Variants in NUP153 observed in about 807,000 individuals in gnomAD.
NUP153 encodes nuclear pore complex protein Nup153.
Under a neutral mutation model 134.6 loss-of-function variants are expected in NUP153, and 27 were observed. The observed-to-expected ratio is 0.20, with a 90% CI of 0.15 to 0.28. The LOEUF is 0.28. Ranked by LOEUF, NUP153 falls within the 10% of genes least tolerant of loss-of-function variation. NUP153 has a pLI of 1.00. For missense variants in NUP153, 1,821 were observed against 1,731.3 expected, an observed-to-expected ratio of 1.05 and a Z score of -0.92; for synonymous variants, 640 against 623.5, an observed-to-expected ratio of 1.03 and a Z score of -0.40.
rs1221774812 is a variant in NUP153 at position 17,616,564 on chromosome 6, A to G, written c.4306T>C (p.Phe1436Leu). Reference protein sequence around the residue: ...ASAQPSGSGGFPFNQSPAAFT... With the variant: ...ASAQPSGSGGLPFNQSPAAFT... Reference sequence around the variant, plus strand: ...GCTGCTGGAGACTGGTTAAATGGAAAGCCCCCCGAGCCTGAAGGCTGGGCT... The same window carrying G: ...GCTGCTGGAGACTGGTTAAATGGAAGGCCCCCCGAGCCTGAAGGCTGGGCT... Residue 1436 changes from phenylalanine to leucine, a missense_variant, in exon 21 of 22, where the codon TTT (phenylalanine) becomes CTT (leucine). By Grantham distance (22) the Phe-to-Leu change is conservative. Coordinates refer to ENST00000262077, the MANE Select transcript of NUP153 (RefSeq NM_005124.4). 4 of 1,613,900 alleles carry G rather than the reference A, an allele frequency of 2.5e-6. No homozygotes were observed. Among genetic ancestry groups the G allele is most frequent in the Non-Finnish European group, 3.4e-6 (4 of 1,179,938 alleles).
chr6:17,690,468 A>G (rs1769210555), intron 1 of NUP153, among the ~76,000 whole-genome samples: 1 of 152,228 alleles, frequency 6.6e-6, no homozygotes, highest in African/African-American at 2.4e-5. Flanking sequence ...AGGTAAAATA[A>G]CACTGCCTCC....
intron 1 of NUP153, among the ~76,000 whole-genome samples, chr6:17,701,977 T>TC (rs1408244868): frequency 1.4e-5 from 2 of 140,286 alleles, no homozygotes; most frequent in African/African-American, 5.5e-5. Context: ...CCCACCCCCA[T>TC]CCCGGGACAA....
At position 17,678,352 on chromosome 6, in the gene NUP153, C is replaced by CAAAAAAAAAAAAAAAAA. The variant is rs11428582; in HGVS notation, c.335-2599_335-2583dup. Among the ~76,000 whole-genome samples, 106 of 68,226 alleles carry CAAAAAAAAAAAAAAAAA rather than the reference C, an allele frequency of 1.6e-3. 6 individuals are homozygous for CAAAAAAAAAAAAAAAAA. Among genetic ancestry groups the CAAAAAAAAAAAAAAAAA allele is most frequent in the African/African-American group, 5.5e-3 (86 of 15,714 alleles). The allele number at this position is 68,226 out of a possible 152,430, so 44.8% of individuals were successfully genotyped here. ...GCCTGGTTGACAGAACCCTCTGTCT[C>CAAAAAAAAAAAAAAAAA]AAAAAAAAAAAAAAAAAAAAAAAGA... On this transcript the variant is annotated intron_variant, in intron 2 of 21. Coordinates refer to ENST00000262077, the MANE Select transcript of NUP153 (RefSeq NM_005124.4).
intron 2 of NUP153, among the ~76,000 whole-genome samples, chr6:17,677,823 A>G (rs972040756): frequency 1.3e-5 from 2 of 148,460 alleles, no homozygotes. Context: ...TCCACCTCCC[A>G]ATTGTTTGAT....
chr6:17,659,705 T>G (rs1484805882), intron 11 of NUP153, among the ~76,000 whole-genome samples: 2 of 152,166 alleles, frequency 1.3e-5, no homozygotes, highest in Non-Finnish European at 2.9e-5. Flanking sequence ...TCTCTTGACC[T>G]CGTGATCCGC....
At chr6:17,632,921 T>C (rs1436784903) in intron 16 of NUP153, 77 bp from the exon 17 acceptor site, 9 of 1,073,676 alleles carry the variant, frequency 8.4e-6, no homozygotes, top group East Asian at 5.0e-5. Flanking sequence ...AGTATCTTAA[T>C]GGCACTGCTA....
At chr6:17,624,875 T>C (rs767694594) in intron 19 of NUP153, 42 bp from the exon 20 acceptor site, 3 of 1,499,194 alleles carry the variant, frequency 2.0e-6, no homozygotes, top group South Asian at 1.3e-5. Context: ...TGGTGGCTAA[T>C]GTCAGATTAT....
chr6:17,643,575 G>A (rs535492309), intron 14 of NUP153, among the ~76,000 whole-genome samples: 1 of 152,230 alleles, frequency 6.6e-6, no homozygotes, highest in South Asian at 2.1e-4. Flanking sequence ...AAGTTAAATT[G>A]CTTTTAGTAA....
chr6:17,618,846 G>T (rs142075762), intron 20 of NUP153, among the ~76,000 whole-genome samples: 273 of 152,324 alleles, frequency 1.8e-3, no homozygotes, highest in African/African-American at 6.2e-3. Flanking sequence ...GATTACAGGC[G>T]TGAGCCACTG....
chr6:17,685,598 G>A (rs1768877477), intron 2 of NUP153, among the ~76,000 whole-genome samples: 2 of 151,248 alleles, frequency 1.3e-5, no homozygotes, highest in African/African-American at 4.9e-5. Context: ...ATAAGATTAT[G>A]AAGAAGCTGA....
chr6:17,659,828 T>C (rs1767076660), intron 11 of NUP153, among the ~76,000 whole-genome samples: 1 of 152,170 alleles, frequency 6.6e-6, no homozygotes, highest in South Asian at 2.1e-4. Context: ...AGAAAATTGG[T>C]TTGCTACAAA....
intron 9 of NUP153, among the ~76,000 whole-genome samples, chr6:17,663,260 C>CACATATATATAT (rs1389702878): frequency 3.6e-5 from 5 of 139,996 alleles, no homozygotes; most frequent in African/African-American, 5.2e-5. Context: ...CACACACACA[C>CACATATATATAT]ATATATATAT....
intron 17 of NUP153, among the ~76,000 whole-genome samples, chr6:17,631,526 AG>A (rs967346216): frequency 1.2e-4 from 18 of 152,118 alleles, no homozygotes; most frequent in African/African-American, 4.3e-4. Context: ...TCACCGTTCT[AG>A]GGGTCTACAC....
At chr6:17,660,488 T>C (rs1013681881) in intron 11 of NUP153, among the ~76,000 whole-genome samples, 10 of 151,998 alleles carry the variant, frequency 6.6e-5, no homozygotes, top group Non-Finnish European at 1.3e-4. Context: ...CTTAAATCTG[T>C]CCCTATCTTT....
intron 14 of NUP153, among the ~76,000 whole-genome samples, chr6:17,641,136 C>A (rs1020991131): frequency 6.6e-6 from 1 of 152,124 alleles, no homozygotes; most frequent in African/African-American, 2.4e-5. Flanking sequence ...GGGGCGATTT[C>A]TATTTACAGA....
At chr6:17,622,340 C>CT (rs1333533008) in intron 20 of NUP153, among the ~76,000 whole-genome samples, 1 of 152,156 alleles carries the variant, frequency 6.6e-6, no homozygotes, top group Non-Finnish European at 1.5e-5. Context: ...TGGTGTCTGC[C>CT]TGTAGTCCCA....
intron 5 of NUP153, among the ~76,000 whole-genome samples, chr6:17,672,682 C>CA (rs1767990066): frequency 6.6e-6 from 1 of 151,652 alleles, no homozygotes; most frequent in African/African-American, 2.4e-5. Flanking sequence ...GTTAAAAAAA[C>CA]AAAAAACAAA....
At chr6:17,643,432 A>G (rs1249427381) in intron 14 of NUP153, among the ~76,000 whole-genome samples, 2 of 152,206 alleles carry the variant, frequency 1.3e-5, no homozygotes, top group Non-Finnish European at 2.9e-5. Flanking sequence ...AGATTGTGCA[A>G]CTGCACTCCA....
intron 9 of NUP153, 168 bp from the exon 10 acceptor site, chr6:17,662,238 A>G (rs1767234275): frequency 6.2e-6 from 1 of 160,964 alleles, no homozygotes; most frequent in African/African-American, 2.4e-5. Context: ...GGTAACCAAG[A>G]GTTACAGTGA....
Sources: gnomAD v4.1 joint callset for allele counts (sites outside exome capture counted in the v4.1 genomes callset) on GRCh38, gnomAD v4.1.1 for gene constraint, MANE v1.5 for transcripts, NCBI Gene and HGNC (gene_info 2026-07-23, HGNC 2026-07-21) for gene names.